Variants in PROX1 observed in about 807,000 individuals in gnomAD.
The protein encoded by PROX1 is prospero homeobox 1.
A neutral mutation model predicts 58.8 loss-of-function variants in PROX1; 7 were observed. The observed-to-expected ratio is 0.12, with a 90% CI of 0.07 to 0.22. PROX1 has a LOEUF of 0.22. Ranked by LOEUF, PROX1 falls within the 10% of genes least tolerant of loss-of-function variation. The pLI is 1.00. For synonymous variants in PROX1, 350 were observed against 358.3 expected, an observed-to-expected ratio of 0.98 and a Z score of 0.26; for missense variants, 675 against 927.8, an observed-to-expected ratio of 0.73 and a Z score of 3.54.
intron 4 of PROX1, among the ~76,000 whole-genome samples, chr1:214,021,419 G>A (rs7541439): frequency 2.0e-5 from 3 of 152,094 alleles, no homozygotes; most frequent in Non-Finnish European, 4.4e-5. Flanking sequence ...TTTCCTTTCT[G>A]ATTTTACAGA....
rs1664515648 is a variant in PROX1 at position 214,027,935 on chromosome 1, T to C, written c.2029-7714T>C. Among the ~76,000 whole-genome samples the C allele has an allele frequency of 2.7e-5, 4 of 150,564 alleles. No homozygotes were observed. In the South Asian group the frequency reaches 8.3e-4, roughly 31 times the overall value. On this transcript the variant is annotated intron_variant, in intron 4 of 4. Coordinates refer to ENST00000366958, the MANE Select transcript of PROX1 (RefSeq NM_001270616.2). ...TGTTTAGACCAAGGAAACATAGTTTTTAGGTTTTTTTTTTTCTTAAGACAG... is the reference window on the plus strand; with the variant it reads ...TGTTTAGACCAAGGAAACATAGTTTCTAGGTTTTTTTTTTTCTTAAGACAG...
intron 3 of PROX1, among the ~76,000 whole-genome samples, chr1:214,005,619 CTG>C (rs1376521993): frequency 1.3e-5 from 2 of 152,118 alleles, no homozygotes; most frequent in African/African-American, 2.4e-5. Context: ...CAACAGTAAA[CTG>C]TTTCTGTTTT....
intron 4 of PROX1, among the ~76,000 whole-genome samples, chr1:214,021,764 T>TGA (rs1189495701): frequency 3.3e-5 from 5 of 152,224 alleles, no homozygotes; most frequent in Admixed American, 1.3e-4. Flanking sequence ...AATGATCCTA[T>TGA]GAGACCAGCT....
intron 2 of PROX1, among the ~76,000 whole-genome samples, chr1:214,002,408 T>TTTTC (rs1198127311): frequency 1.4e-4 from 19 of 136,408 alleles, no homozygotes; most frequent in African/African-American, 5.2e-4. Context: ...TTTTTTTCTT[T>TTTTC]TTTCTTTTTT....
intron 4 of PROX1, 32 bp downstream of exon 4, chr1:214,011,747 CCCTTTT>C (rs1436981101): frequency 4.4e-5 from 66 of 1,507,862 alleles, no homozygotes; most frequent in Admixed American, 6.8e-5. Flanking sequence ...TTGGTCATCT[CCCTTTT>C]CCTTTTTTAA....
At chr1:213,989,579 A>G (rs1295627252) in intron 1 of PROX1, 1 of 152,032 alleles carries the variant, frequency 6.6e-6, no homozygotes, top group Non-Finnish European at 1.5e-5. Context: ...TACTGGGAAG[A>G]CTAGTGAGGA....
chr1:213,983,634 C>G (rs756305772), upstream of PROX1, among the ~76,000 whole-genome samples: 7 of 152,160 alleles, frequency 4.6e-5, no homozygotes, highest in Admixed American at 2.6e-4. Context: ...AGATGGTGGG[C>G]AAGAGTGTTG....
intron 4 of PROX1, among the ~76,000 whole-genome samples, chr1:214,018,622 G>A (rs1275596211): frequency 2.6e-5 from 4 of 152,234 alleles, no homozygotes; most frequent in East Asian, 1.9e-4. Flanking sequence ...AAATATAATC[G>A]TTCTTCCGAG....
rs773762601 is a variant in PROX1 at position 213,997,990 on chromosome 1, C to T, written c.1455C>T (p.Pro485=). ...CGTCCACCTTCCGCCACCCCTTCCC[C>T]CTTCCCTTGATGGCCTATCCATTTC... ...FTTSTFRHPF[P]LPLMAYPFQS... is the part of the protein sequence containing the mutation. Residue 485 remains proline, a synonymous_variant, in exon 2 of 5, where the codon CCC becomes CCT. Transcript: ENST00000366958. This position sits in a 1 kb window ranked among gnomAD's most constrained non-coding sequence, Gnocchi z 7.1. 5 of 1,613,624 alleles carry T rather than the reference C, an allele frequency of 3.1e-6. No homozygotes were observed. In the African/African-American group the frequency reaches 4.0e-5, roughly 13 times the overall value.
rs778748021 is a variant in PROX1 at position 214,035,854 on chromosome 1, T to G, written c.*20T>G. The G allele has an allele frequency of 6.3e-7, 1 of 1,599,364 alleles. No individual in the cohort carries two copies. The highest frequency in any genetic ancestry group is 1.3e-5 in the African/African-American group (1 of 74,342). On this transcript the variant is annotated 3_prime_UTR_variant, in exon 5 of 5. Transcript: ENST00000366958. Reference sequence around the variant, plus strand: ...GAGTAGAAATTTCAACAACTCTTTTTGAATGTATGAAGAGTAGCAGTCCCC... The same window carrying G: ...GAGTAGAAATTTCAACAACTCTTTTGGAATGTATGAAGAGTAGCAGTCCCC...
chr1:214,035,075 C>G (rs1664785340), intron 4 of PROX1, among the ~76,000 whole-genome samples: 1 of 151,988 alleles, frequency 6.6e-6, no homozygotes, highest in Admixed American at 6.5e-5. Context: ...TATTATTTTA[C>G]TCCTTTATGT....
chr1:214,019,165 G>A (rs1664196120), intron 4 of PROX1, among the ~76,000 whole-genome samples: 1 of 152,132 alleles, frequency 6.6e-6, no homozygotes, highest in Non-Finnish European at 1.5e-5. Context: ...AATGAGCAGG[G>A]GTGACTTTCT....
At chr1:214,034,791 T>C (rs1664775687) in intron 4 of PROX1, among the ~76,000 whole-genome samples, 1 of 152,152 alleles carries the variant, frequency 6.6e-6, no homozygotes, top group Non-Finnish European at 1.5e-5. Context: ...ATAAGGACCT[T>C]GAGGAATTTC....
At chr1:214,025,559 A>G (rs189099733) in intron 4 of PROX1, among the ~76,000 whole-genome samples, 1 of 152,064 alleles carries the variant, frequency 6.6e-6, no homozygotes, top group African/African-American at 2.4e-5. Context: ...CTGGCCCTTT[A>G]CTGGCAAATT....
intron 4 of PROX1, among the ~76,000 whole-genome samples, chr1:214,026,779 C>T (rs183277698): frequency 3.6e-4 from 55 of 152,278 alleles, no homozygotes; most frequent in African/African-American, 1.2e-3. Context: ...TCAGAGAAGT[C>T]TGTGTGAGGG....
rs528436821 is a variant in PROX1 at position 214,033,458 on chromosome 1, C to T, written c.2029-2191C>T. On this transcript the variant is annotated intron_variant, in intron 4 of 4. Coordinates refer to ENST00000366958, the MANE Select transcript of PROX1 (RefSeq NM_001270616.2). ...ACTGAAAATACAAAAGTTAGCCAGG[C>T]GTGATGGCACTTGCCTGTAATCTCA... 5.3e-5 allele frequency among the ~76,000 whole-genome samples: 8 copies of T among 152,188 alleles called. No individual in the cohort carries two copies. The South Asian group carries it at 1.0e-3, about 20-fold the overall frequency.
At position 214,019,234 on chromosome 1, in the gene PROX1, C is replaced by T. The variant is rs1571831706; in HGVS notation, c.2028+7519C>T. 2.6e-5 allele frequency among the ~76,000 whole-genome samples: 4 copies of T among 151,540 alleles called. No homozygotes were observed. In the East Asian group the frequency reaches 7.8e-4, roughly 30 times the overall value. ...GATGGCCCATTGACTGCTCTTTTTG[C>T]CCCCCCACCCCAAAACAGGCTCCCC... is the stretch of plus-strand genomic sequence containing the variant. On this transcript the variant is annotated intron_variant, in intron 4 of 4. Coordinates refer to ENST00000366958, the MANE Select transcript of PROX1 (RefSeq NM_001270616.2).
At chr1:214,031,928 G>A (rs1028744220) in intron 4 of PROX1, among the ~76,000 whole-genome samples, 2 of 152,162 alleles carry the variant, frequency 1.3e-5, no homozygotes, top group Non-Finnish European at 2.9e-5. Flanking sequence ...AAACACATGA[G>A]TTGCTCCAGT....
At chr1:213,998,584 TAAAG>T (rs1210885805) in intron 2 of PROX1, among the ~76,000 whole-genome samples, 3 of 152,110 alleles carry the variant, frequency 2.0e-5, no homozygotes, top group Non-Finnish European at 4.4e-5. Flanking sequence ...TTAAAAAAAA[TAAAG>T]AAGTAGATTT....
Sources: gnomAD v4.1 joint callset for allele counts (sites outside exome capture counted in the v4.1 genomes callset) on GRCh38, gnomAD v4.1.1 for gene constraint, Gnocchi (gnomAD v3.1) non-coding constraint, MANE v1.5 for transcripts, NCBI Gene and HGNC (gene_info 2026-07-23, HGNC 2026-07-21) for gene names.